The following RBFOX1 variants were observed in gnomAD, a reference collection of about 807,000 sequenced individuals.
RBFOX1 encodes the protein RNA binding fox-1 homolog 1.
In RBFOX1, 8 loss-of-function variants were observed where a neutral mutation model predicts 57.7. The observed-to-expected ratio is 0.14, with a 90% CI of 0.08 to 0.25. The LOEUF (loss-of-function observed/expected upper bound fraction) is 0.25, where lower values mean the gene tolerates loss of function less well. Among genes scored for constraint, RBFOX1 ranks in the 10% least tolerant of loss-of-function variants. The pLI is 1.00. For synonymous variants in RBFOX1, 326 were observed against 222.4 expected (o/e 1.47, Z -4.15); for missense variants, 611 against 548.5 (o/e 1.11, Z -1.14).
chr16:6,461,770 T>A (rs1029391995), intron 2 of RBFOX1, among the ~76,000 whole-genome samples: 2 of 152,228 alleles, frequency 1.3e-5, no homozygotes, highest in East Asian at 3.8e-4. Flanking sequence ...GGAGGGCTGT[T>A]CTGTTTAAGC....
intron 4 of RBFOX1, among the ~76,000 whole-genome samples, chr16:5,894,502 T>G (rs926625613): frequency 2.0e-5 from 3 of 152,092 alleles, no homozygotes; most frequent in African/African-American, 4.8e-5. Context: ...CTTGAACTCC[T>G]GACCTCAGAT....
intron 1 of RBFOX1, among the ~76,000 whole-genome samples, chr16:6,034,630 G>A (rs1410239420): frequency 6.6e-6 from 1 of 152,116 alleles, no homozygotes; most frequent in East Asian, 1.9e-4. Context: ...GTGTTGCATT[G>A]GAGAATAAGT....
intron 1 of RBFOX1, among the ~76,000 whole-genome samples, chr16:6,280,427 G>C (rs1309832707): frequency 6.6e-6 from 1 of 152,084 alleles, no homozygotes; most frequent in African/African-American, 2.4e-5. Flanking sequence ...TTTAGTAGGA[G>C]AAAGATGGAG....
intron 3 of RBFOX1, among the ~76,000 whole-genome samples, chr16:6,662,007 T>C (rs186282631): frequency 3.4e-4 from 52 of 152,072 alleles, no homozygotes; most frequent in Non-Finnish European, 5.6e-4. Context: ...TAGAGGACAT[T>C]AGGTGAAGTG....
chr16:5,657,007 G>T (rs1174407420), intron 3 of RBFOX1, among the ~76,000 whole-genome samples: 3 of 152,052 alleles, frequency 2.0e-5, no homozygotes, highest in Non-Finnish European at 4.4e-5. Flanking sequence ...CTAGATGATG[G>T]GTTGATGGGT....
At chr16:6,675,065 C>A (rs1232081914) in intron 3 of RBFOX1, among the ~76,000 whole-genome samples, 1 of 151,994 alleles carries the variant, frequency 6.6e-6, no homozygotes, top group Admixed American at 6.6e-5. Flanking sequence ...GCCACCACAC[C>A]CACTAATTTT....
At chr16:6,076,353 C>A (rs142131511) in intron 1 of RBFOX1, among the ~76,000 whole-genome samples, 8 of 151,744 alleles carry the variant, frequency 5.3e-5, no homozygotes, top group African/African-American at 1.9e-4. Context: ...CACATACACA[C>A]ACACACACCC....
At chr16:6,602,285 T>C (rs2097862428) in intron 2 of RBFOX1, among the ~76,000 whole-genome samples, 2 of 152,238 alleles carry the variant, frequency 1.3e-5, no homozygotes, top group Non-Finnish European at 2.9e-5. Flanking sequence ...TTTCACTCTT[T>C]TAATAGTGTC....
intron 5 of RBFOX1, among the ~76,000 whole-genome samples, chr16:7,564,686 C>A (rs1042715356): frequency 6.6e-6 from 1 of 152,094 alleles, no homozygotes; most frequent in African/African-American, 2.4e-5. Context: ...GTTTAAACCA[C>A]CCAGCCTGTG....
chr16:6,097,817 C>T lies in RBFOX1; in HGVS notation c.-127+77825C>T, dbSNP rs749503808. 6.6e-6 allele frequency among the ~76,000 whole-genome samples: 1 copy of T among 151,706 alleles called. No individual in the cohort carries two copies. Among genetic ancestry groups the T allele is most frequent in the Non-Finnish European group, 1.5e-5 (1 of 67,980 alleles). Reference sequence around the variant, plus strand: ...TTCTTATTTATTTATTTTCTATCACCGTACTTACTGGTGGAGTGGAAGTCC... The same window carrying T: ...TTCTTATTTATTTATTTTCTATCACTGTACTTACTGGTGGAGTGGAAGTCC... On this transcript the variant is annotated intron_variant, in intron 1 of 15. Coordinates refer to ENST00000550418, the MANE Select transcript of RBFOX1 (RefSeq NM_018723.4). This position sits in a 1 kb window ranked among gnomAD's most constrained non-coding sequence, Gnocchi z 5.0.
chr16:6,909,389 ATT>A (rs948397130), intron 3 of RBFOX1, among the ~76,000 whole-genome samples: 16 of 152,120 alleles, frequency 1.1e-4, no homozygotes, highest in African/African-American at 3.9e-4. Flanking sequence ...CAACTCTTCC[ATT>A]TCAAGATCCT....
At chr16:6,313,361 T>C (rs1466920014) in intron 1 of RBFOX1, among the ~76,000 whole-genome samples, 2 of 152,172 alleles carry the variant, frequency 1.3e-5, no homozygotes, top group African/African-American at 4.8e-5. Flanking sequence ...CTCCTTGACC[T>C]GCATGGGGGC....
At chr16:7,363,411 T>A (rs555090682) in intron 4 of RBFOX1, among the ~76,000 whole-genome samples, 1 of 152,104 alleles carries the variant, frequency 6.6e-6, no homozygotes, top group South Asian at 2.1e-4. Context: ...GAGCAGCCAA[T>A]GAAATGGCTA....
intron 4 of RBFOX1, among the ~76,000 whole-genome samples, chr16:7,190,842 G>A (rs553954743): frequency 4.6e-5 from 7 of 152,270 alleles, no homozygotes; most frequent in Admixed American, 6.5e-5. Flanking sequence ...CTGCATAGAC[G>A]CACATGATGA....
intron 2 of RBFOX1, among the ~76,000 whole-genome samples, chr16:6,644,598 T>C (rs931940867): frequency 2.0e-5 from 3 of 152,200 alleles, no homozygotes; most frequent in Admixed American, 6.5e-5. Context: ...AGGAGAACAA[T>C]GCTGTGCCCA....
At chr16:7,316,373 G>C (rs981604386) in intron 4 of RBFOX1, among the ~76,000 whole-genome samples, 3 of 152,220 alleles carry the variant, frequency 2.0e-5, no homozygotes, top group African/African-American at 7.2e-5. Flanking sequence ...AGAAGGCATA[G>C]CTGGTCATCT....
chr16:6,844,898 C>A (rs1227745373), intron 3 of RBFOX1, among the ~76,000 whole-genome samples: 1 of 152,130 alleles, frequency 6.6e-6, no homozygotes, highest in Non-Finnish European at 1.5e-5. Flanking sequence ...GAGATGGTAT[C>A]TCATTGTGGT....
intron 4 of RBFOX1, among the ~76,000 whole-genome samples, chr16:7,267,192 T>C (rs896324465): frequency 4.0e-5 from 6 of 151,830 alleles, no homozygotes; most frequent in African/African-American, 1.5e-4. Context: ...TGAGGTCAGG[T>C]GTTTGAGACC....
At chr16:5,901,465 T>A (rs2152181988) in intron 4 of RBFOX1, among the ~76,000 whole-genome samples, 1 of 152,306 alleles carries the variant, frequency 6.6e-6, no homozygotes, top group East Asian at 1.9e-4. Context: ...GCTCATTTGT[T>A]CCGAAGGTTT....
Sources: gnomAD v4.1 joint callset for allele counts (sites outside exome capture counted in the v4.1 genomes callset) on GRCh38, gnomAD v4.1.1 for gene constraint, Gnocchi (gnomAD v3.1) non-coding constraint, MANE v1.5 for transcripts, NCBI Gene and HGNC (gene_info 2026-07-23, HGNC 2026-07-21) for gene names.